Variants in MAP7 observed in about 807,000 individuals in gnomAD.
MAP7 encodes the protein ensconsin.
In MAP7, 52 loss-of-function variants were observed where a neutral mutation model predicts 94.8. The ratio of observed to expected loss-of-function variants is 0.55; its 90% CI spans 0.44 to 0.69. The LOEUF (loss-of-function observed/expected upper bound fraction) is 0.69, where lower values mean the gene tolerates loss of function less well. Ranked by LOEUF, MAP7 falls within the 30% of genes least tolerant of loss-of-function variation. The pLI is 0.00. For synonymous variants in MAP7, 350 were observed against 357.0 expected, an observed-to-expected ratio of 0.98 and a Z score of 0.22; for missense variants, 940 against 964.6, an observed-to-expected ratio of 0.97 and a Z score of 0.34.
At chr6:136,411,586 C>A in intron 3 of MAP7, 34 bp downstream of exon 3, 5 of 1,540,124 alleles carry the variant, frequency 3.2e-6, no homozygotes, top group Non-Finnish European at 4.4e-6. Context: ...GACATCCATT[C>A]AAATCAGGGC....
intron 16 of MAP7, among the ~76,000 whole-genome samples, chr6:136,352,335 AC>A (rs1479397952): frequency 2.0e-5 from 3 of 151,814 alleles, no homozygotes; most frequent in African/African-American, 4.8e-5. Flanking sequence ...CGATAGGTGT[AC>A]GCCACTGGGC....
At chr6:136,507,059 G>T (rs188577658) in intron 1 of MAP7, among the ~76,000 whole-genome samples, 166 of 152,198 alleles carry the variant, frequency 1.1e-3, no homozygotes, top group Non-Finnish European at 1.8e-3. Flanking sequence ...GATTCTGGAC[G>T]CTGCCTGATT....
chr6:136,480,132 G>A (rs1257831196), intron 1 of MAP7, among the ~76,000 whole-genome samples: 1 of 152,084 alleles, frequency 6.6e-6, no homozygotes. Context: ...CATGGTACTG[G>A]CATAAAAACA....
At chr6:136,489,615 CT>C (rs1815935628) in intron 1 of MAP7, among the ~76,000 whole-genome samples, 1 of 145,220 alleles carries the variant, frequency 6.9e-6, no homozygotes, top group Non-Finnish European at 1.5e-5. Context: ...GCAACCTTTG[CT>C]TCCTGGGTTC....
intron 1 of MAP7, among the ~76,000 whole-genome samples, chr6:136,427,955 G>A (rs1244322535): frequency 6.6e-6 from 1 of 152,088 alleles, no homozygotes; most frequent in African/African-American, 2.4e-5. Flanking sequence ...AAACCAAAAG[G>A]AAATAAATTT....
chr6:136,392,673 C>T (rs190049304), intron 3 of MAP7, among the ~76,000 whole-genome samples: 1 of 152,212 alleles, frequency 6.6e-6, no homozygotes, highest in Admixed American at 6.5e-5. Context: ...AGGGAACATA[C>T]ATTTAAAATT....
chr6:136,513,473 A>G (rs151179619), intron 1 of MAP7, among the ~76,000 whole-genome samples: 1 of 152,334 alleles, frequency 6.6e-6, no homozygotes, highest in African/African-American at 2.4e-5. Flanking sequence ...ATTCAGTCAC[A>G]TCTTCAGGCT....
chr6:136,531,193 A>G (rs1276551600), intron 1 of MAP7, among the ~76,000 whole-genome samples: 1 of 144,792 alleles, frequency 6.9e-6, no homozygotes, highest in African/African-American at 2.9e-5. Context: ...AAATGTGCAA[A>G]GACTGTCCTC....
intron 1 of MAP7, among the ~76,000 whole-genome samples, chr6:136,516,959 G>GA (rs1360090720): frequency 1.6e-4 from 20 of 125,508 alleles, no homozygotes; most frequent in East Asian, 9.1e-4. Context: ...ACATCAGAAG[G>GA]AAAAAAAAAC....
chr6:136,343,339 T>TC lies in MAP7; in HGVS notation c.*888dup, dbSNP rs1220463862. The TC allele has an allele frequency of 6.6e-6, 1 of 152,638 alleles. No individual in the cohort carries two copies. The highest frequency in any genetic ancestry group is 6.5e-5 in the Admixed American group (1 of 15,278). The allele number at this position is 152,638 out of a possible 1,614,324, so 9.5% of individuals were successfully genotyped here. On this transcript the variant is annotated 3_prime_UTR_variant, in exon 18 of 18. Coordinates refer to ENST00000354570, the MANE Select transcript of MAP7 (RefSeq NM_003980.6). ...TTAAAGAAATATTAAATCTTTATTT[T>TC]CCCCAACATAATTTGTGATCAGGTA...
chr6:136,503,822 C>T (rs1035865735), intron 1 of MAP7, among the ~76,000 whole-genome samples: 7 of 152,282 alleles, frequency 4.6e-5, no homozygotes, highest in South Asian at 2.1e-4. Context: ...CAAACTATTT[C>T]GGAAGGCAAT....
chr6:136,471,335 A>T (rs3799438), intron 1 of MAP7, among the ~76,000 whole-genome samples: 128,467 of 152,156 alleles, frequency 0.84, 54,317 homozygotes, highest in Admixed American at 0.88. Context: ...TGCTCTGGAC[A>T]CCCTTCTTAA....
chr6:136,414,181 A>T (rs1255389996), intron 2 of MAP7, among the ~76,000 whole-genome samples: 1 of 131,638 alleles, frequency 7.6e-6, no homozygotes, highest in African/African-American at 2.8e-5. Context: ...TGAACCCGGG[A>T]GGCGGAGCTT....
chr6:136,391,555 A>AAAAC, intron 3 of MAP7, among the ~76,000 whole-genome samples: 1 of 149,642 alleles, frequency 6.7e-6, no homozygotes. Context: ...GTATAATAAA[A>AAAAC]AACAACAACA....
rs892435953 is a variant in MAP7, at chr6:136,533,848, C to T, written c.67+16494G>A. ...ATCGGCTCCCATGGCCCAGACATATCCCACTAGGTCTGCCTCTAACATTGG... is the reference window on the plus strand; with the variant it reads ...ATCGGCTCCCATGGCCCAGACATATTCCACTAGGTCTGCCTCTAACATTGG... On this transcript the variant is annotated intron_variant, in intron 1 of 17. Transcript: ENST00000354570. Among the ~76,000 whole-genome samples, 3 of 152,144 alleles carry T rather than the reference C, an allele frequency of 2.0e-5. No homozygotes were observed. In the South Asian group the frequency reaches 6.2e-4, roughly 32 times the overall value.
At chr6:136,492,627 A>G (rs1344442796) in intron 1 of MAP7, among the ~76,000 whole-genome samples, 1 of 152,232 alleles carries the variant, frequency 6.6e-6, no homozygotes, top group African/African-American at 2.4e-5. Flanking sequence ...AGTAGGGTTT[A>G]ACTGATTTTG....
chr6:136,390,235 CGGTA>C (rs1335544526), intron 3 of MAP7, among the ~76,000 whole-genome samples: 5 of 152,050 alleles, frequency 3.3e-5, no homozygotes, highest in Admixed American at 6.6e-5. Flanking sequence ...CTTCCTTCAG[CGGTA>C]ATAACTAAAA....
At chr6:136,445,978 G>A (rs577864860) in intron 1 of MAP7, among the ~76,000 whole-genome samples, 2 of 152,262 alleles carry the variant, frequency 1.3e-5, no homozygotes, top group South Asian at 4.1e-4. Context: ...TTCTGCAGCC[G>A]ACACCAGCTG....
At chr6:136,410,225 T>C (rs1032205434) in intron 3 of MAP7, among the ~76,000 whole-genome samples, 1 of 151,838 alleles carries the variant, frequency 6.6e-6, no homozygotes, top group African/African-American at 2.4e-5. Flanking sequence ...GAATCCACGC[T>C]ATAACTAAAG....
Sources: gnomAD v4.1 joint callset for allele counts (sites outside exome capture counted in the v4.1 genomes callset) on GRCh38, gnomAD v4.1.1 for gene constraint, MANE v1.5 for transcripts, NCBI Gene and HGNC (gene_info 2026-07-23, HGNC 2026-07-21) for gene names.